Variants in ZMYND12 observed in about 807,000 individuals in gnomAD.
ZMYND12 encodes zinc finger MYND domain-containing protein 12.
Under a neutral mutation model 41.7 loss-of-function variants are expected in ZMYND12, and 32 were observed. The ratio of observed to expected loss-of-function variants is 0.77; its 90% CI spans 0.58 to 1.03. The LOEUF (loss-of-function observed/expected upper bound fraction) is 1.03. Among genes scored for constraint, ZMYND12 ranks in the 50% least tolerant of loss-of-function variants. The pLI, the probability that ZMYND12 is intolerant of heterozygous loss-of-function variation, is 0.00. For synonymous variants in ZMYND12, 148 were observed against 164.8 expected, an observed-to-expected ratio of 0.90 and a Z score of 0.78; for missense variants, 424 against 438.5, an observed-to-expected ratio of 0.97 and a Z score of 0.30.
Position 42,438,130 on chromosome 1 carries a change from C to T in ZMYND12, c.595-1587G>A, listed in dbSNP as rs143969828. On this transcript the variant is annotated intron_variant, in intron 4 of 7. Transcript: ENST00000372565. ...GGCCTACTAATTCTTAACTGTGTGG[C>T]CCAGCTCAGGACAGAATGTGCCTCT... 3.2e-3 allele frequency among the ~76,000 whole-genome samples: 480 copies of T among 152,258 alleles called. 1 individual carries two copies. The highest frequency in any genetic ancestry group is 0.017 in the Middle Eastern group (5 of 294).
At chr1:42,435,650 T>C (rs1642898411) in intron 5 of ZMYND12, 1 of 319,576 alleles carries the variant, frequency 3.1e-6, no homozygotes, top group South Asian at 4.9e-5. Context: ...ATCTTTTGTA[T>C]AGCACACACA....
At chr1:42,446,386 G>A (rs566760001) in intron 3 of ZMYND12, among the ~76,000 whole-genome samples, 1 of 152,184 alleles carries the variant, frequency 6.6e-6, no homozygotes, top group African/African-American at 2.4e-5. Flanking sequence ...GGCCAGACAC[G>A]GTGGCTCATA....
intron 1 of ZMYND12, among the ~76,000 whole-genome samples, chr1:42,451,999 A>G (rs369744989): frequency 5.9e-5 from 9 of 152,170 alleles, no homozygotes; most frequent in South Asian, 2.1e-4. Context: ...AATGCTTTCA[A>G]TCAGGGCTCA....
At position 42,433,228 on chromosome 1, in the gene ZMYND12, G is replaced by A. The variant is rs1642872908; in HGVS notation, c.890C>T (p.Ser297Phe). The stretch of plus-strand genomic sequence containing the variant: ...TTTTTGGGGGGCTTTGTCAGATGTA[G>A]ATTCTCGAATGTTCAAGATTGAAGT... ...ILTSILNIRESTSDKAPQKTI... is the reference protein window; with the variant it reads ...ILTSILNIREFTSDKAPQKTI... The change falls in exon 7 of 8, where the codon TCT becomes TTT. Residue 297 changes from serine to phenylalanine, a missense_variant. Transcript: ENST00000372565. 3.7e-6 allele frequency: 6 copies of A among 1,613,022 alleles called. No homozygotes were observed. The highest frequency in any genetic ancestry group is 5.1e-6 in the Non-Finnish European group (6 of 1,179,614).
Position 42,430,719 on chromosome 1 carries a change from G to A in ZMYND12, c.*17C>T, listed in dbSNP as rs1337714130. Reference sequence around the variant, plus strand: ...AGTAGCCCCTGGAATAACCCTTGATGCAGAGCTCATGGGTCACTAAGTAAT... The same window carrying A: ...AGTAGCCCCTGGAATAACCCTTGATACAGAGCTCATGGGTCACTAAGTAAT... On this transcript the variant is annotated 3_prime_UTR_variant, in exon 8 of 8. Coordinates refer to ENST00000372565, the MANE Select transcript of ZMYND12 (RefSeq NM_032257.5). 2 of 1,613,382 alleles carry A rather than the reference G, an allele frequency of 1.2e-6. No individual in the cohort carries two copies. Among genetic ancestry groups the A allele is most frequent in the African/African-American group, 1.3e-5 (1 of 74,934 alleles).
rs1643168662 is a variant in ZMYND12, at chr1:42,455,949, A to T, written c.49T>A (p.Cys17Ser). Residue 17 changes from cysteine to serine, a missense_variant, in exon 1 of 8, where the codon TGT becomes AGT. By Grantham distance (112) the Cys-to-Ser change is moderately radical (BLOSUM62 -1). Coordinates refer to ENST00000372565, the MANE Select transcript of ZMYND12 (RefSeq NM_032257.5). ...TCGGCTGGGGCTTCGCACACCTCAC[A>T]GCAGAGTCTGCGCCCCTTGGGGACT... ...LAVPKGRRLCCEVCEAPAERV... is the reference protein window; with the variant it reads ...LAVPKGRRLCSEVCEAPAERV... 6.2e-7 allele frequency: 1 copy of T among 1,613,814 alleles called. No individual in the cohort carries two copies. The highest frequency in any genetic ancestry group is 2.2e-5 in the East Asian group (1 of 44,874).
intron 2 of ZMYND12, 94 bp downstream of exon 2, chr1:42,449,824 G>T: frequency 6.7e-7 from 1 of 1,488,334 alleles, no homozygotes; most frequent in Non-Finnish European, 9.1e-7. Flanking sequence ...CCTCCGTGAG[G>T]TTACAATTTA....
Position 42,449,902 on chromosome 1 carries a change from G to T in ZMYND12, c.252+16C>A, listed in dbSNP as rs1326538878. 6.2e-7 allele frequency: 1 copy of T among 1,608,104 alleles called. No individual in the cohort carries two copies. Among genetic ancestry groups the T allele is most frequent in the East Asian group, 2.2e-5 (1 of 44,872 alleles). ...CGCACCTACGACTTAACCTTGGAAA[G>T]TGCCGTAGGCCCTACCTGCCGCTGC... On this transcript the variant is annotated intron_variant, in intron 2 of 7. Coordinates refer to ENST00000372565, the MANE Select transcript of ZMYND12 (RefSeq NM_032257.5).
chr1:42,446,646 G>A (rs1457255614), intron 3 of ZMYND12, among the ~76,000 whole-genome samples: 2 of 127,056 alleles, frequency 1.6e-5, no homozygotes, highest in Non-Finnish European at 3.5e-5. Flanking sequence ...AGTGAGACTC[G>A]GTCTCAAAAA....
intron 4 of ZMYND12, 115 bp downstream of exon 4, chr1:42,439,741 C>G: frequency 5.3e-6 from 6 of 1,142,712 alleles, no homozygotes; most frequent in Non-Finnish European, 7.3e-6. Context: ...CAGTTGTAAA[C>G]AGAAAGTTTT....
At chr1:42,453,067 C>T (rs1358895510) in intron 1 of ZMYND12, among the ~76,000 whole-genome samples, 1 of 152,068 alleles carries the variant, frequency 6.6e-6, no homozygotes, top group Non-Finnish European at 1.5e-5. Flanking sequence ...TTACTGTGTG[C>T]CAACATGGTT....
intron 3 of ZMYND12, among the ~76,000 whole-genome samples, chr1:42,441,252 C>G (rs531657036): frequency 1.7e-4 from 26 of 152,170 alleles, no homozygotes; most frequent in African/African-American, 6.0e-4. Flanking sequence ...TAGAAGTTTT[C>G]CAGGTAGATA....
chr1:42,444,710 C>T (rs1643003970), intron 3 of ZMYND12, among the ~76,000 whole-genome samples: 1 of 152,042 alleles, frequency 6.6e-6, no homozygotes, highest in Non-Finnish European at 1.5e-5. Flanking sequence ...CTCCCCTGAG[C>T]TTACAGTCTA....
chr1:42,448,237 C>T (rs1346564788), intron 3 of ZMYND12, among the ~76,000 whole-genome samples: 1 of 152,196 alleles, frequency 6.6e-6, no homozygotes, highest in Non-Finnish European at 1.5e-5. Context: ...CTACAGCACC[C>T]GCACAAAGTT....
At chr1:42,439,730 T>C (rs1317099130) in intron 4 of ZMYND12, 126 bp downstream of exon 4, 4 of 995,690 alleles carry the variant, frequency 4.0e-6, no homozygotes, top group East Asian at 5.3e-5. Flanking sequence ...CACCAAATAA[T>C]CAGTTGTAAA....
At position 42,430,686 on chromosome 1, in the gene ZMYND12, A is replaced by G; in HGVS notation, c.*50T>C. The G allele has an allele frequency of 6.2e-7, 1 of 1,603,764 alleles. No homozygotes were observed. The highest frequency in any genetic ancestry group is 8.5e-7 in the Non-Finnish European group (1 of 1,171,576). ...CAGTTGTGCAAGGCTGGAATATATT[A>G]GATCTTCAGTAGCCCCTGGAATAAC... On this transcript the variant is annotated 3_prime_UTR_variant, in exon 8 of 8. Coordinates refer to ENST00000372565, the MANE Select transcript of ZMYND12 (RefSeq NM_032257.5).
chr1:42,433,493 G>A (rs775554849), intron 6 of ZMYND12, among the ~76,000 whole-genome samples: 3 of 152,158 alleles, frequency 2.0e-5, no homozygotes, highest in South Asian at 2.1e-4. Flanking sequence ...GTTTCAGACC[G>A]CTTTCCAGCT....
Position 42,435,335 on chromosome 1 carries a change from TGA to T in ZMYND12, c.766_767del (p.Ser256ThrfsTer15), listed in dbSNP as rs1642894679. On this transcript the variant is annotated frameshift_variant, in exon 6 of 8. Transcript: ENST00000372565. LOFTEE classifies it high-confidence loss of function. ...AATCCATTTGTTGGATGTGAGCCTG[TGA>T]GAGGACTTGATAGTGATTGTTCAAA... ...AYLNNHYQVL[S>X]QAHIQQMDLL... 1 of 1,613,980 alleles carries T rather than the reference TGA, an allele frequency of 6.2e-7. No homozygotes were observed. The highest frequency in any genetic ancestry group is 1.1e-5 in the South Asian group (1 of 91,082).
rs114459249 is a variant in ZMYND12, at chr1:42,456,022, T to C, written c.-25A>G. The C allele has an allele frequency of 7.7e-4, 1,199 of 1,567,166 alleles. 12 individuals are homozygous for C. The African/African-American group carries it at 0.013, about 17-fold the overall frequency. On this transcript the variant is annotated 5_prime_UTR_variant, in exon 1 of 8. Transcript: ENST00000372565. Reference sequence around the variant, plus strand: ...TGGTGCAGCCAGCAGTGCTGGTCTCTAAGACGGTTGCCCAGCAAGGATACG... The same window carrying C: ...TGGTGCAGCCAGCAGTGCTGGTCTCCAAGACGGTTGCCCAGCAAGGATACG...
Sources: gnomAD v4.1 joint callset for allele counts (sites outside exome capture counted in the v4.1 genomes callset) on GRCh38, gnomAD v4.1.1 for gene constraint, MANE v1.5 for transcripts, NCBI Gene and HGNC (gene_info 2026-07-23, HGNC 2026-07-21) for gene names.